ACOXL: variants seen among roughly 807,000 people sequenced by gnomAD.
The protein encoded by ACOXL is acyl-CoA oxidase like.
In ACOXL, 70 loss-of-function variants were observed where a neutral mutation model predicts 71.9. The ratio of observed to expected loss-of-function variants is 0.97; its 90% CI spans 0.80 to 1.19. The LOEUF is 1.19. Ranked by LOEUF, ACOXL falls within the 50% of genes most tolerant of loss-of-function variation. The pLI is 0.00. For synonymous variants in ACOXL, 253 were observed against 281.6 expected, an observed-to-expected ratio of 0.90 and a Z score of 1.02; for missense variants, 703 against 736.3, an observed-to-expected ratio of 0.95 and a Z score of 0.52.
chr2:111,080,379 C>A (rs903970761), intron 16 of ACOXL, among the ~76,000 whole-genome samples: 1 of 152,124 alleles, frequency 6.6e-6, no homozygotes, highest in African/African-American at 2.4e-5. Flanking sequence ...TCCCTCTAAC[C>A]ACTGCTTTAG....
At chr2:110,784,114 C>T (rs1683657266) in intron 2 of ACOXL, among the ~76,000 whole-genome samples, 1 of 152,130 alleles carries the variant, frequency 6.6e-6, no homozygotes, top group African/African-American at 2.4e-5. Context: ...CCCAATCCTC[C>T]ACCCTCACAT....
At chr2:110,806,578 C>T (rs1008119219) in intron 9 of ACOXL, among the ~76,000 whole-genome samples, 13 of 151,992 alleles carry the variant, frequency 8.6e-5, no homozygotes, top group African/African-American at 3.1e-4. Context: ...CCAGACGAGC[C>T]TAGGATTGCA....
chr2:111,076,712 T>C (rs974799453), intron 16 of ACOXL, among the ~76,000 whole-genome samples: 2 of 152,216 alleles, frequency 1.3e-5, no homozygotes, highest in African/African-American at 4.8e-5. Context: ...GCAAGGTTGA[T>C]GACATAAAAC....
At chr2:111,117,117 C>G (rs13405347) in intron 17 of ACOXL, among the ~76,000 whole-genome samples, 1,899 of 152,328 alleles carry the variant, frequency 0.012, 47 homozygotes, top group African/African-American at 0.043. Flanking sequence ...AGGCGCTAGT[C>G]TGGGGAGACT....
rs1224691665 is a variant in ACOXL at position 110,861,727 on chromosome 2, C to T, written c.788+20322C>T. On this transcript the variant is annotated intron_variant, in intron 10 of 17. Transcript: ENST00000439055. The stretch of plus-strand genomic sequence containing the variant: ...CGGTGTTTGCACCTTATTGTCACTA[C>T]GTAATGTCTGAAAAACTTGGAATTA... 3.9e-5 allele frequency among the ~76,000 whole-genome samples: 6 copies of T among 152,136 alleles called. No homozygotes were observed. In the East Asian group the frequency reaches 5.8e-4, roughly 15 times the overall value.
In ACOXL at chr2:110,870,852, G is replaced by A. The variant is rs551014472; in HGVS notation, c.788+29447G>A. The stretch of plus-strand genomic sequence containing the variant: ...TGGTGGGGGGAGGAACCCATATAGG[G>A]GTCACCAAGCCTGCTGACTGTGACA... On this transcript the variant is annotated intron_variant, in intron 10 of 17. Coordinates refer to ENST00000439055, the MANE Select transcript of ACOXL (RefSeq NM_001142807.4). 3.2e-4 allele frequency among the ~76,000 whole-genome samples: 48 copies of A among 152,254 alleles called. 1 individual carries two copies. The South Asian group carries it at 5.4e-3, about 17-fold the overall frequency.
At chr2:110,987,378 C>T (rs1434277776) in intron 13 of ACOXL, among the ~76,000 whole-genome samples, 161 bp downstream of exon 13, 13 of 152,188 alleles carry the variant, frequency 8.5e-5, no homozygotes. Flanking sequence ...CACTCACTAC[C>T]AACTTAAAAA....
chr2:110,824,142 C>G (rs1041529729), intron 9 of ACOXL, among the ~76,000 whole-genome samples: 2 of 152,164 alleles, frequency 1.3e-5, no homozygotes, highest in African/African-American at 4.8e-5. Context: ...AGGTCTGTGT[C>G]TATATACAAA....
intron 9 of ACOXL, among the ~76,000 whole-genome samples, chr2:110,812,782 CG>C (rs1687494163): frequency 6.6e-6 from 1 of 152,212 alleles, no homozygotes; most frequent in South Asian, 2.1e-4. Context: ...TCCACGAAGA[CG>C]TGTTGTACGC....
chr2:111,037,155 T>TC (rs1200321900), intron 15 of ACOXL, among the ~76,000 whole-genome samples: 5 of 152,144 alleles, frequency 3.3e-5, no homozygotes, highest in African/African-American at 4.8e-5. Context: ...ATGCTGGGGT[T>TC]CCCTCCCCAA....
chr2:111,052,127 G>A (rs1476138580), intron 16 of ACOXL, among the ~76,000 whole-genome samples: 2 of 152,196 alleles, frequency 1.3e-5, no homozygotes, highest in East Asian at 3.9e-4. Flanking sequence ...GCATAAGCCA[G>A]AACATTCATC....
In ACOXL at chr2:110,778,691, C is replaced by T. The variant is rs185895540; in HGVS notation, c.76-6041C>T. Among the ~76,000 whole-genome samples, 13 of 152,296 alleles carry T rather than the reference C, an allele frequency of 8.5e-5. No individual in the cohort carries two copies. In the East Asian group the frequency reaches 1.2e-3, roughly 14 times the overall value. On this transcript the variant is annotated intron_variant, in intron 2 of 17. Coordinates refer to ENST00000439055, the MANE Select transcript of ACOXL (RefSeq NM_001142807.4). ...GATGGGAGGCTCAAATGGCATAACACGTGGTAAGTTGTCCAGACAGTGTTT... is the reference window on the plus strand; with the variant it reads ...GATGGGAGGCTCAAATGGCATAACATGTGGTAAGTTGTCCAGACAGTGTTT...
At chr2:110,781,864 T>C (rs1272885673) in intron 2 of ACOXL, among the ~76,000 whole-genome samples, 1 of 152,118 alleles carries the variant, frequency 6.6e-6, no homozygotes, top group African/African-American at 2.4e-5. Flanking sequence ...AGTATATATG[T>C]CTTTTACAGA....
chr2:111,022,687 C>T lies in ACOXL; in HGVS notation c.1282-8940C>T, dbSNP rs80172052. 9.3e-4 allele frequency among the ~76,000 whole-genome samples: 142 copies of T among 152,150 alleles called. 1 individual carries two copies. The highest frequency in any genetic ancestry group is 3.3e-3 in the African/African-American group (136 of 41,526). Reference sequence around the variant, plus strand: ...CAGTCACAGAGAGGTGTGGGCAGGACCCCCAGGGGCCCCCAGACCTCCCAG... The same window carrying T: ...CAGTCACAGAGAGGTGTGGGCAGGATCCCCAGGGGCCCCCAGACCTCCCAG... On this transcript the variant is annotated intron_variant, in intron 14 of 17. Transcript: ENST00000439055.
At chr2:110,929,225 A>G (rs1574161310) in intron 11 of ACOXL, among the ~76,000 whole-genome samples, 1 of 152,208 alleles carries the variant, frequency 6.6e-6, no homozygotes, top group African/African-American at 2.4e-5. Context: ...GATATGGACA[A>G]TGAAATCCAG....
intron 14 of ACOXL, 98 bp from the exon 15 acceptor site, chr2:111,031,529 T>C: frequency 9.5e-7 from 1 of 1,057,552 alleles, no homozygotes; most frequent in Non-Finnish European, 1.5e-6. Flanking sequence ...ATGCTTAATG[T>C]AGTACTGAAA....
chr2:111,053,923 G>T (rs1269227526), intron 16 of ACOXL, among the ~76,000 whole-genome samples: 1 of 152,220 alleles, frequency 6.6e-6, no homozygotes, highest in Non-Finnish European at 1.5e-5. Context: ...CTTCTGACCA[G>T]GTCAGGAGAC....
At chr2:110,772,052 A>G (rs375586449) in intron 2 of ACOXL, among the ~76,000 whole-genome samples, 6 of 152,332 alleles carry the variant, frequency 3.9e-5, no homozygotes, top group African/African-American at 1.4e-4. Flanking sequence ...CAGTCCCAAC[A>G]CTAAGAACTT....
At chr2:110,751,322 A>T (rs946433134) in intron 1 of ACOXL, among the ~76,000 whole-genome samples, 202 of 151,328 alleles carry the variant, frequency 1.3e-3, no homozygotes, top group African/African-American at 4.8e-3. Flanking sequence ...AAAAAAAAAA[A>T]ATTTAGACAT....
Sources: allele counts gnomAD v4.1 joint callset (sites outside exome capture counted in the v4.1 genomes callset), GRCh38; gene constraint gnomAD v4.1.1; transcripts MANE v1.5; gene names NCBI Gene and HGNC (gene_info 2026-07-23, HGNC 2026-07-21).